Variants in ST7 observed in about 807,000 individuals in gnomAD.
The protein encoded by ST7 is suppression of tumorigenicity 7, also known as suppressor of tumorigenicity 7 protein.
ST7 carries 28 observed loss-of-function variants against 78.7 expected under a neutral mutation model. The ratio of observed to expected loss-of-function variants is 0.36; its 90% CI spans 0.26 to 0.49. The LOEUF (loss-of-function observed/expected upper bound fraction) is 0.49, where lower values mean the gene tolerates loss of function less well. Ranked by LOEUF, ST7 falls within the 20% of genes least tolerant of loss-of-function variation. The pLI is 0.99. For missense variants in ST7, 418 were observed against 696.0 expected, an observed-to-expected ratio of 0.60 and a Z score of 4.49; for synonymous variants, 247 against 249.6, an observed-to-expected ratio of 0.99 and a Z score of 0.10.
chr7:117,156,008 A>G (rs748220484), intron 9 of ST7, among the ~76,000 whole-genome samples: 10 of 152,174 alleles, frequency 6.6e-5, no homozygotes, highest in Non-Finnish European at 1.5e-4. Context: ...TCACCTTGCA[A>G]TCCTACCTTC....
intron 7 of ST7, 129 bp downstream of exon 7, chr7:117,134,321 C>A: frequency 1.5e-6 from 2 of 1,363,622 alleles, no homozygotes; most frequent in South Asian, 1.3e-5. Flanking sequence ...GACAAGGATG[C>A]ATCATCTATA....
intron 1 of ST7, among the ~76,000 whole-genome samples, chr7:117,012,413 G>T (rs7810338): frequency 6.6e-6 from 1 of 152,222 alleles, no homozygotes; most frequent in South Asian, 2.1e-4. Context: ...TAGATAAGTT[G>T]TTTATCCTCC....
intron 12 of ST7, among the ~76,000 whole-genome samples, chr7:117,202,347 T>G (rs905505934): frequency 6.6e-6 from 1 of 152,170 alleles, no homozygotes; most frequent in African/African-American, 2.4e-5. Context: ...GTCTCCAGAT[T>G]CTCTCCTAAG....
rs185716944 is a variant in ST7, at chr7:116,993,322, T to C, written c.151+39631T>C. Among the ~76,000 whole-genome samples, 454 of 152,284 alleles carry C rather than the reference T, an allele frequency of 3.0e-3. 4 individuals carry two copies. Among genetic ancestry groups the C allele is most frequent in the African/African-American group, 0.011 (442 of 41,554 alleles). On this transcript the variant is annotated intron_variant, in intron 1 of 15. Transcript: ENST00000323984. ...CATGGCTGGGGAGGCCTCAGAATCA[T>C]GGCAGGAGGCAAAAGGCACTTCTTA...
intron 2 of ST7, among the ~76,000 whole-genome samples, chr7:117,109,782 A>C (rs1802278969): frequency 1.3e-5 from 2 of 152,216 alleles, no homozygotes; most frequent in African/African-American, 4.8e-5. Context: ...CGTAGATACA[A>C]AAATTCTCAG....
chr7:117,061,709 A>G (rs1433079542), intron 1 of ST7, among the ~76,000 whole-genome samples: 3 of 152,200 alleles, frequency 2.0e-5, no homozygotes, highest in African/African-American at 7.2e-5. Context: ...TTATATATAT[A>G]TAAGGGTAAT....
Position 117,145,704 on chromosome 7 carries a change from T to C in ST7, c.963+7172T>C, listed in dbSNP as rs535665812. The C allele has an allele frequency of 4.6e-5, 7 of 152,304 alleles. No individual in the cohort carries two copies. The East Asian group carries it at 1.3e-3, about 29-fold the overall frequency. The allele number at this position is 152,304 out of a possible 1,614,324, so 9.4% of individuals were successfully genotyped here. ...TTTCTGATAGGGTCACATTCATAGG[T>C]ACTGAGGGTTAGGATCTCAACATGT... On this transcript the variant is annotated intron_variant, in intron 9 of 15. Transcript: ENST00000323984.
chr7:117,092,754 G>A (rs984670968), intron 1 of ST7, among the ~76,000 whole-genome samples: 5 of 152,152 alleles, frequency 3.3e-5, no homozygotes, highest in Non-Finnish European at 2.9e-5. Context: ...AACTTATCTC[G>A]TAATGTGCTT....
intron 10 of ST7, among the ~76,000 whole-genome samples, chr7:117,174,303 A>C (rs1239845953): frequency 6.6e-6 from 1 of 152,236 alleles, no homozygotes; most frequent in Non-Finnish European, 1.5e-5. Flanking sequence ...CAGTGACTAA[A>C]ATAGCAGCAA....
At chr7:117,148,214 C>T (rs184746283) in intron 9 of ST7, among the ~76,000 whole-genome samples, 6 of 151,926 alleles carry the variant, frequency 3.9e-5, no homozygotes, top group Admixed American at 6.6e-5. Context: ...TTGTTGGGTG[C>T]GTTTATGTTG....
chr7:117,194,967 C>T lies in ST7; in HGVS notation c.1254+4031C>T, dbSNP rs150069701. On this transcript the variant is annotated intron_variant, in intron 12 of 15. Coordinates refer to ENST00000323984, the MANE Select transcript of ST7 (RefSeq NM_001369598.1). ...GTTTTGGAGGATGTTACATTAACTC[C>T]TTCAGGGTACCAAAGATAAACTTCC... is the stretch of plus-strand genomic sequence containing the variant. Among the ~76,000 whole-genome samples, 12 of 152,288 alleles carry T rather than the reference C, an allele frequency of 7.9e-5. No homozygotes were observed. In the East Asian group the frequency reaches 2.1e-3, roughly 27 times the overall value.
At chr7:117,177,608 G>C (rs1808439061) in intron 10 of ST7, among the ~76,000 whole-genome samples, 1 of 152,190 alleles carries the variant, frequency 6.6e-6, no homozygotes, top group Non-Finnish European at 1.5e-5. Context: ...TCTGGGTGTA[G>C]TTGAATGCTT....
intron 13 of ST7, among the ~76,000 whole-genome samples, chr7:117,218,408 G>A (rs1307209762): frequency 6.6e-6 from 1 of 152,190 alleles, no homozygotes; most frequent in Admixed American, 6.5e-5. Flanking sequence ...CCGTAATTCA[G>A]TGTGAGCCCT....
chr7:117,077,497 A>T (rs1176991206), intron 1 of ST7, among the ~76,000 whole-genome samples: 5 of 152,178 alleles, frequency 3.3e-5, no homozygotes, highest in African/African-American at 1.2e-4. Flanking sequence ...ATGACAGGGT[A>T]TGGCTAGCAC....
intron 1 of ST7, among the ~76,000 whole-genome samples, chr7:117,052,083 T>A (rs1797817426): frequency 6.6e-6 from 1 of 152,170 alleles, no homozygotes; most frequent in African/African-American, 2.4e-5. Flanking sequence ...AGTAAAAGCG[T>A]TAGTGTCCAA....
intron 9 of ST7, among the ~76,000 whole-genome samples, chr7:117,161,974 A>T (rs554446480): frequency 6.8e-4 from 103 of 152,150 alleles, no homozygotes; most frequent in African/African-American, 2.4e-3. Flanking sequence ...GCATTTTTGG[A>T]TTTAATTATA....
intron 1 of ST7, chr7:116,972,763 GC>G: frequency 1.1e-6 from 1 of 925,362 alleles, no homozygotes; most frequent in South Asian, 1.3e-5. Context: ...GTTCAAGGAG[GC>G]CACCTCAGCC....
intron 1 of ST7, among the ~76,000 whole-genome samples, chr7:117,036,375 T>C (rs75935440): frequency 0.018 from 2,674 of 152,314 alleles, 87 homozygotes; most frequent in African/African-American, 0.061. Context: ...AAAAACATAA[T>C]GTCTGGAATA....
chr7:117,204,297 T>G (rs38893), intron 12 of ST7, among the ~76,000 whole-genome samples: 1 of 152,248 alleles, frequency 6.6e-6, no homozygotes, highest in African/African-American at 2.4e-5. Context: ...CCAGGTACTA[T>G]GTGAATGAAT....
Sources: gnomAD v4.1 joint callset for allele counts (sites outside exome capture counted in the v4.1 genomes callset) on GRCh38, gnomAD v4.1.1 for gene constraint, MANE v1.5 for transcripts, NCBI Gene and HGNC (gene_info 2026-07-23, HGNC 2026-07-21) for gene names.